Variants in GAREM1 observed in about 807,000 individuals in gnomAD.
The protein encoded by GAREM1 is GRB2 associated regulator of MAPK1 subtype 1.
A neutral mutation model predicts 71.3 loss-of-function variants in GAREM1; 26 were observed. That is an observed-to-expected ratio of 0.36 (90% CI 0.27 to 0.51). GAREM1 has a LOEUF of 0.51. Among genes scored for constraint, GAREM1 ranks in the 20% least tolerant of loss-of-function variants. The pLI, the probability that GAREM1 is intolerant of heterozygous loss-of-function variation, is 0.95. For synonymous variants in GAREM1, 440 were observed against 433.2 expected (o/e 1.02, Z -0.20); for missense variants, 1,026 against 1,103.1 (o/e 0.93, Z 0.99).
intron 2 of GAREM1, among the ~76,000 whole-genome samples, chr18:32,322,670 A>G (rs905335026): frequency 6.6e-6 from 1 of 152,202 alleles, no homozygotes; most frequent in African/African-American, 2.4e-5. Flanking sequence ...CCAGTACTCA[A>G]TACTGGGCAA....
In GAREM1 at chr18:32,470,356, G is replaced by A; in HGVS notation, c.73C>T (p.Leu25Phe). Residue 25 changes from leucine (L) to phenylalanine (F), a missense_variant, in exon 1 of 6, where the codon CTC becomes TTC. Coordinates refer to ENST00000269209, the MANE Select transcript of GAREM1 (RefSeq NM_001242409.2). The surrounding 1 kb of genome is among the most constrained non-coding windows in gnomAD (Gnocchi z 4.4). ...GGCAGCCGGTAAGTGCTGACCAGGA[G>A]GTCGAGCGGCACGGCCACCGAGCTC... ...KWSSVAVPLD[L>F]LVSTYRLPQI... 1.9e-6 allele frequency: 3 copies of A among 1,560,338 alleles called. No homozygotes were observed. Among genetic ancestry groups the A allele is most frequent in the South Asian group, 1.2e-5 (1 of 85,254 alleles).
In GAREM1 at chr18:32,265,466, A is replaced by G. The variant is rs995784657; in HGVS notation, c.*2405T>C. The stretch of plus-strand genomic sequence containing the variant: ...ACGTCTTTCTTACTCACACATACAT[A>G]CTCTTAGCAACTGAGATTTCAAATA... On this transcript the variant is annotated 3_prime_UTR_variant, in exon 6 of 6. Coordinates refer to ENST00000269209, the MANE Select transcript of GAREM1 (RefSeq NM_001242409.2). The G allele has an allele frequency of 1.3e-5, 2 of 151,938 alleles. No homozygotes were observed. Among genetic ancestry groups the G allele is most frequent in the African/African-American group, 4.8e-5 (2 of 41,328 alleles). The allele number at this position is 151,938 out of a possible 1,614,324, so 9.4% of individuals were successfully genotyped here.
intron 1 of GAREM1, among the ~76,000 whole-genome samples, chr18:32,417,416 C>T (rs571727915): frequency 7.2e-5 from 11 of 152,290 alleles, no homozygotes; most frequent in South Asian, 4.1e-4. Flanking sequence ...GGTATTTACA[C>T]GCCCATGTTT....
At chr18:32,435,051 A>G (rs73954807) in intron 1 of GAREM1, among the ~76,000 whole-genome samples, 13,244 of 152,158 alleles carry the variant, frequency 0.087, 650 homozygotes, top group African/African-American at 0.14. Flanking sequence ...ATCTTTCCCA[A>G]TAATACACAA....
intron 2 of GAREM1, among the ~76,000 whole-genome samples, chr18:32,342,291 C>T (rs1229433487): frequency 6.6e-6 from 1 of 152,136 alleles, no homozygotes; most frequent in Admixed American, 6.5e-5. Context: ...AATAACTCTC[C>T]TGGGTTATCT....
chr18:32,364,198 C>T (rs1057087819), intron 2 of GAREM1, among the ~76,000 whole-genome samples: 13 of 150,200 alleles, frequency 8.7e-5, no homozygotes, highest in African/African-American at 3.2e-4. Flanking sequence ...CCACGCCCAG[C>T]TAATTTTTGT....
chr18:32,361,614 CA>C (rs35288225), intron 2 of GAREM1, among the ~76,000 whole-genome samples: 1 of 152,098 alleles, frequency 6.6e-6, no homozygotes, highest in Non-Finnish European at 1.5e-5. Context: ...CCTCCCTCTG[CA>C]AAACTAACAG....
chr18:32,470,413 A>C lies in GAREM1; in HGVS notation c.16T>G (p.Ser6Ala), dbSNP rs1411747794. The change falls in exon 1 of 6, where the codon TCG becomes GCG. Residue 6 changes from serine to alanine, a missense_variant. Ser to Ala is a moderately conservative substitution (Grantham distance 99, BLOSUM62 1). Coordinates refer to ENST00000269209, the MANE Select transcript of GAREM1 (RefSeq NM_001242409.2). The surrounding 1 kb of genome is among the most constrained non-coding windows in gnomAD (Gnocchi z 4.4). MDPAP[S>A]LGCSLKDVKW... is the part of the protein sequence containing the mutation. ...ACATCCTTGAGGCTGCAGCCCAGCGAGGGCGCCGGGTCCATCTTCCCCGAA... is the reference window on the plus strand; with the variant it reads ...ACATCCTTGAGGCTGCAGCCCAGCGCGGGCGCCGGGTCCATCTTCCCCGAA... The C allele has an allele frequency of 6.6e-7, 1 of 1,524,006 alleles. No homozygotes were observed. Among genetic ancestry groups the C allele is most frequent in the Non-Finnish European group, 8.8e-7 (1 of 1,133,318 alleles). The allele number at this position is 1,524,006 out of a possible 1,614,324, so 94.4% of individuals were successfully genotyped here. A position where few individuals can be genotyped will look rare whatever the true frequency, so the allele number is the denominator to read the frequency against.
chr18:32,286,414 A>G (rs2047018899), intron 4 of GAREM1, among the ~76,000 whole-genome samples: 2 of 151,944 alleles, frequency 1.3e-5, no homozygotes, highest in Admixed American at 6.6e-5. Context: ...TCAGGGATAT[A>G]GGAAAGAGTT....
chr18:32,343,282 G>A (rs539180938), intron 2 of GAREM1, among the ~76,000 whole-genome samples: 1 of 148,122 alleles, frequency 6.8e-6, no homozygotes, highest in African/African-American at 2.5e-5. Context: ...AAGTAATTCC[G>A]AAAAGCTAAA....
intron 1 of GAREM1, among the ~76,000 whole-genome samples, chr18:32,416,784 T>C (rs1161170016): frequency 6.6e-6 from 1 of 152,080 alleles, no homozygotes; most frequent in Non-Finnish European, 1.5e-5. Context: ...AAGAAAACAC[T>C]GGGGAAAGTC....
chr18:32,459,686 T>A (rs1268492404), intron 1 of GAREM1, among the ~76,000 whole-genome samples: 1 of 152,196 alleles, frequency 6.6e-6, no homozygotes, highest in Admixed American at 6.5e-5. Context: ...CTTGCATTAT[T>A]TTAAAAACCT....
chr18:32,319,973 C>T (rs2047414139), intron 2 of GAREM1, among the ~76,000 whole-genome samples: 1 of 152,174 alleles, frequency 6.6e-6, no homozygotes, highest in South Asian at 2.1e-4. Flanking sequence ...GTTAAATATG[C>T]TTGTCCTGAA....
At chr18:32,345,232 G>A (rs1280716112) in intron 2 of GAREM1, among the ~76,000 whole-genome samples, 2 of 152,164 alleles carry the variant, frequency 1.3e-5, no homozygotes, top group Non-Finnish European at 2.9e-5. Context: ...TTTCATTCAT[G>A]AAATGGTTAA....
chr18:32,266,717 C>A lies in GAREM1; in HGVS notation c.*1154G>T, dbSNP rs1213688177. On this transcript the variant is annotated 3_prime_UTR_variant, in exon 6 of 6. Transcript: ENST00000269209. ...GCATATATAATAATAAAGGCCGGTG[C>A]GTCTGATTTCTCAGCTCTCGTAAAG... 6.6e-6 allele frequency: 1 copy of A among 152,092 alleles called. No homozygotes were observed. 9.4% of individuals were successfully genotyped at this position (152,092 alleles called of 1,614,324 possible). A position where few individuals can be genotyped will look rare whatever the true frequency, so the allele number is the denominator to read the frequency against.
intron 2 of GAREM1, among the ~76,000 whole-genome samples, chr18:32,367,691 G>A (rs1000579033): frequency 2.2e-4 from 33 of 152,134 alleles, no homozygotes; most frequent in African/African-American, 7.0e-4. Flanking sequence ...AGGGATACAA[G>A]GATGGCAGAC....
intron 2 of GAREM1, among the ~76,000 whole-genome samples, chr18:32,379,941 T>C (rs553023052): frequency 3.9e-5 from 6 of 152,296 alleles, no homozygotes; most frequent in Non-Finnish European, 7.4e-5. Context: ...AAAAATCTAT[T>C]TATTCTAGGC....
chr18:32,439,104 T>C (rs1304237514), intron 1 of GAREM1, among the ~76,000 whole-genome samples: 1 of 152,166 alleles, frequency 6.6e-6, no homozygotes, highest in Admixed American at 6.5e-5. Context: ...ATACTATTAT[T>C]TGCAAGACCT....
chr18:32,364,727 T>C (rs1310422155), intron 2 of GAREM1, among the ~76,000 whole-genome samples: 3 of 152,228 alleles, frequency 2.0e-5, no homozygotes, highest in Non-Finnish European at 4.4e-5. Flanking sequence ...GTAGCATTGA[T>C]GTACAGAAAA....
Sources: allele counts gnomAD v4.1 joint callset (sites outside exome capture counted in the v4.1 genomes callset), GRCh38; gene constraint gnomAD v4.1.1; non-coding constraint Gnocchi (gnomAD v3.1); transcripts MANE v1.5; gene names NCBI Gene and HGNC (gene_info 2026-07-23, HGNC 2026-07-21).